The following MAP3K7 variants were observed in gnomAD, a reference collection of about 807,000 sequenced individuals.
The protein encoded by MAP3K7 is mitogen-activated protein kinase kinase kinase 7, also known as TGF-beta activated kinase 1.
Under a neutral mutation model 84.8 loss-of-function variants are expected in MAP3K7, and 21 were observed. That is an observed-to-expected ratio of 0.25 (90% confidence interval 0.18 to 0.36). The LOEUF (loss-of-function observed/expected upper bound fraction) is 0.36. MAP3K7 is among the 10% of genes least tolerant of loss of function. MAP3K7 has a pLI of 1.00. For missense variants in MAP3K7, 503 were observed against 747.7 expected, an observed-to-expected ratio of 0.67 and a Z score of 3.82; for synonymous variants, 241 against 247.7, an observed-to-expected ratio of 0.97 and a Z score of 0.25.
chr6:90,539,271 T>C (rs1017035558), intron 12 of MAP3K7, among the ~76,000 whole-genome samples: 46 of 152,066 alleles, frequency 3.0e-4, no homozygotes, highest in African/African-American at 1.1e-3. Flanking sequence ...TTTTTTAGAT[T>C]ACAAAAAGTG....
At chr6:90,580,942 G>C (rs981854528) in intron 1 of MAP3K7, among the ~76,000 whole-genome samples, 14 of 151,656 alleles carry the variant, frequency 9.2e-5, no homozygotes, top group African/African-American at 3.4e-4. Flanking sequence ...CTTTGTTTTG[G>C]GTCTACAACT....
chr6:90,565,112 A>G (rs1479594865), intron 3 of MAP3K7, among the ~76,000 whole-genome samples: 5 of 152,242 alleles, frequency 3.3e-5, no homozygotes, highest in Admixed American at 2.6e-4. Flanking sequence ...AGCAGGAAAG[A>G]TCTAAAATTG....
intron 1 of MAP3K7, among the ~76,000 whole-genome samples, chr6:90,583,258 C>G (rs547670041): frequency 2.6e-5 from 4 of 152,146 alleles, no homozygotes; most frequent in Non-Finnish European, 5.9e-5. Context: ...ACCAACTACA[C>G]TAAAAAGGAA....
At chr6:90,528,804 G>GA (rs1426651407) in intron 13 of MAP3K7, among the ~76,000 whole-genome samples, 2 of 151,970 alleles carry the variant, frequency 1.3e-5, no homozygotes, top group African/African-American at 4.8e-5. Context: ...CAATTTCAGA[G>GA]AAAAAAATCA....
chr6:90,535,127 A>T (rs1046068339), intron 13 of MAP3K7, among the ~76,000 whole-genome samples: 1 of 152,120 alleles, frequency 6.6e-6, no homozygotes, highest in Admixed American at 6.6e-5. Context: ...TGTGTTTATA[A>T]GCATTTTGTG....
intron 3 of MAP3K7, among the ~76,000 whole-genome samples, chr6:90,564,151 C>G (rs925598592): frequency 4.6e-5 from 7 of 152,162 alleles, no homozygotes; most frequent in Non-Finnish European, 1.0e-4. Flanking sequence ...CAGGAAGAAA[C>G]TGCATCAACT....
intron 3 of MAP3K7, among the ~76,000 whole-genome samples, chr6:90,562,698 C>A (rs938024132): frequency 1.3e-5 from 2 of 152,220 alleles, no homozygotes; most frequent in African/African-American, 4.8e-5. Context: ...ACTTAAACAT[C>A]CCTGTCTGAC....
At chr6:90,578,945 T>G (rs1276881882) in intron 1 of MAP3K7, among the ~76,000 whole-genome samples, 1 of 152,162 alleles carries the variant, frequency 6.6e-6, no homozygotes, top group Non-Finnish European at 1.5e-5. Flanking sequence ...GGAGTTTGAG[T>G]GTCACCATAA....
chr6:90,568,737 C>T (rs1277225608), intron 2 of MAP3K7, 114 bp from the exon 3 acceptor site: 1 of 735,272 alleles, frequency 1.4e-6, no homozygotes, highest in African/African-American at 1.8e-5. Flanking sequence ...ATTCAACAAT[C>T]ACTATTTACT....
intron 1 of MAP3K7, among the ~76,000 whole-genome samples, chr6:90,581,360 C>CCAAATCGCATAACTCAGCTCCT (rs1777265172): frequency 6.6e-6 from 1 of 152,134 alleles, no homozygotes; most frequent in Non-Finnish European, 1.5e-5. Context: ...GTGATGCTGG[C>CCAAATCGCATAACTCAGCTCCT]ATTGTTCTGG....
intron 12 of MAP3K7, among the ~76,000 whole-genome samples, chr6:90,544,132 A>C (rs1238809999): frequency 6.6e-6 from 1 of 152,140 alleles, no homozygotes; most frequent in African/African-American, 2.4e-5. Context: ...GAAAGAGGTT[A>C]GGACAGAAAG....
chr6:90,586,628 T>G (rs1777466812), intron 1 of MAP3K7, 136 bp downstream of exon 1: 9 of 1,163,260 alleles, frequency 7.7e-6, no homozygotes, highest in Non-Finnish European at 1.1e-5. Flanking sequence ...TACTGAGGGC[T>G]GTGGGGTCTC....
chr6:90,570,979 C>T (rs372112525), intron 2 of MAP3K7, among the ~76,000 whole-genome samples: 2 of 152,150 alleles, frequency 1.3e-5, no homozygotes, highest in African/African-American at 4.8e-5. Context: ...CAATTAAGTC[C>T]TCATTTTTCC....
Position 90,516,423 on chromosome 6 carries a change from A to C in MAP3K7, c.*78T>G. 6.9e-7 allele frequency: 1 copy of C among 1,450,538 alleles called. No individual in the cohort carries two copies. Among genetic ancestry groups the C allele is most frequent in the Non-Finnish European group, 9.5e-7 (1 of 1,053,242 alleles). The allele number at this position is 1,450,538 out of a possible 1,614,324, so 89.9% of individuals were successfully genotyped here. A position where few individuals can be genotyped will look rare whatever the true frequency, so the allele number is the denominator to read the frequency against. ...CACGCCAAAAAGCTAACACTCATGA[A>C]TCGTCATTATAAGGTTTTCCTTTCC... On this transcript the variant is annotated 3_prime_UTR_variant, in exon 17 of 17. Transcript: ENST00000369329.
chr6:90,524,580 G>A (rs1562078910), intron 13 of MAP3K7, among the ~76,000 whole-genome samples: 1 of 152,262 alleles, frequency 6.6e-6, no homozygotes, highest in East Asian at 1.9e-4. Flanking sequence ...GAAGATAGAG[G>A]CCAAAATAAC....
chr6:90,552,394 T>C (rs1776210321), intron 7 of MAP3K7, among the ~76,000 whole-genome samples: 1 of 152,136 alleles, frequency 6.6e-6, no homozygotes, highest in Non-Finnish European at 1.5e-5. Context: ...TACTGACAAC[T>C]GATAGAAAGC....
At chr6:90,553,699 A>G (rs967336012) in intron 6 of MAP3K7, 113 bp from the exon 7 acceptor site, 16 of 778,168 alleles carry the variant, frequency 2.1e-5, no homozygotes, top group Non-Finnish European at 3.1e-5. Context: ...AGGCTGTCAC[A>G]TGTAGAACTA....
chr6:90,575,107 G>A (rs1280711432), intron 1 of MAP3K7, among the ~76,000 whole-genome samples: 1 of 152,174 alleles, frequency 6.6e-6, no homozygotes, highest in Non-Finnish European at 1.5e-5. Flanking sequence ...AAAGAATTAA[G>A]TTTGTGTGTA....
intron 5 of MAP3K7, 136 bp from the exon 6 acceptor site, chr6:90,556,760 A>T: frequency 1.2e-6 from 1 of 840,072 alleles, no homozygotes; most frequent in Non-Finnish European, 1.8e-6. Context: ...GAAATGACTA[A>T]TTTACTTGGT....
Sources: gnomAD v4.1 joint callset for allele counts (sites outside exome capture counted in the v4.1 genomes callset) on GRCh38, gnomAD v4.1.1 for gene constraint, MANE v1.5 for transcripts, NCBI Gene and HGNC (gene_info 2026-07-23, HGNC 2026-07-21) for gene names.